The following RABGAP1L variants were observed in gnomAD, a reference collection of about 807,000 sequenced individuals.
The protein encoded by RABGAP1L is RAB GTPase activating protein 1 like, also known as rab GTPase-activating protein 1-like.
In RABGAP1L, 63 loss-of-function variants were observed where a neutral mutation model predicts 137.7. The ratio of observed to expected loss-of-function variants is 0.46; its 90% confidence interval spans 0.37 to 0.56. The LOEUF (loss-of-function observed/expected upper bound fraction) is 0.56. Among genes scored for constraint, RABGAP1L ranks in the 20% least tolerant of loss-of-function variants. RABGAP1L has a pLI of 0.00. For synonymous variants in RABGAP1L, 431 were observed against 433.7 expected, an observed-to-expected ratio of 0.99 and a Z score of 0.08; for missense variants, 1,095 against 1,244.0, an observed-to-expected ratio of 0.88 and a Z score of 1.80.
intron 13 of RABGAP1L, among the ~76,000 whole-genome samples, chr1:174,417,173 A>T (rs536261651): frequency 6.6e-6 from 1 of 152,276 alleles, no homozygotes; most frequent in East Asian, 1.9e-4. Context: ...TATTCTTCTT[A>T]TATCCTTCCC....
At chr1:174,463,678 A>G (rs1656970812) in intron 13 of RABGAP1L, among the ~76,000 whole-genome samples, 1 of 152,168 alleles carries the variant, frequency 6.6e-6, no homozygotes, top group South Asian at 2.1e-4. Context: ...AAAATAAAAA[A>G]GAAGACATAT....
intron 13 of RABGAP1L, among the ~76,000 whole-genome samples, chr1:174,580,252 G>A (rs1243522553): frequency 1.3e-5 from 2 of 152,146 alleles, no homozygotes; most frequent in African/African-American, 4.8e-5. Flanking sequence ...TGAGTATTCA[G>A]CCATTTGACC....
At chr1:174,753,617 G>T (rs1319476643) in intron 18 of RABGAP1L, among the ~76,000 whole-genome samples, 1 of 152,064 alleles carries the variant, frequency 6.6e-6, no homozygotes, top group Non-Finnish European at 1.5e-5. Context: ...AAACATATTT[G>T]CTGTGTCCCT....
chr1:174,620,517 C>A (rs1417061286), intron 13 of RABGAP1L, among the ~76,000 whole-genome samples: 1 of 152,158 alleles, frequency 6.6e-6, no homozygotes, highest in Admixed American at 6.5e-5. Flanking sequence ...AACTGAACAA[C>A]CTGCTCCTGA....
intron 17 of RABGAP1L, among the ~76,000 whole-genome samples, chr1:174,717,103 C>T (rs74225917): frequency 0.078 from 11,928 of 152,146 alleles, 650 homozygotes; most frequent in East Asian, 0.31. Flanking sequence ...AAAGATCCCT[C>T]GTTAATATTA....
At chr1:174,922,953 C>G (rs1662067849) in intron 19 of RABGAP1L, among the ~76,000 whole-genome samples, 1 of 152,012 alleles carries the variant, frequency 6.6e-6, no homozygotes, top group South Asian at 2.1e-4. Flanking sequence ...GTAGAAGGAT[C>G]ACTTGAGCCC....
intron 11 of RABGAP1L, among the ~76,000 whole-genome samples, chr1:174,313,627 A>G (rs1394705224): frequency 6.6e-6 from 1 of 152,184 alleles, no homozygotes; most frequent in Non-Finnish European, 1.5e-5. Flanking sequence ...TTCTCCATTC[A>G]GTATGGTACT....
intron 10 of RABGAP1L, among the ~76,000 whole-genome samples, chr1:174,302,409 G>A (rs1677799441): frequency 6.6e-6 from 1 of 152,190 alleles, no homozygotes; most frequent in Non-Finnish European, 1.5e-5. Flanking sequence ...TCAGAAAAGA[G>A]AGAGGTCTCA....
At chr1:174,195,969 G>A (rs1027844586) in intron 1 of RABGAP1L, among the ~76,000 whole-genome samples, 2 of 149,446 alleles carry the variant, frequency 1.3e-5, no homozygotes, top group African/African-American at 4.9e-5. Context: ...CTGAGTAGCT[G>A]GGATTACAGG....
intron 13 of RABGAP1L, among the ~76,000 whole-genome samples, chr1:174,405,567 A>G (rs185578339): frequency 1.3e-4 from 20 of 152,358 alleles, no homozygotes; most frequent in Admixed American, 9.1e-4. Context: ...GAAAATGTAT[A>G]GTTACTAAAA....
chr1:174,167,253 G>A (rs980376379), intron 1 of RABGAP1L, among the ~76,000 whole-genome samples: 3 of 152,162 alleles, frequency 2.0e-5, no homozygotes, highest in African/African-American at 7.2e-5. Context: ...ACGAATTGAG[G>A]TTATTAGAAT....
At chr1:174,665,166 G>A (rs1269576539) in intron 14 of RABGAP1L, among the ~76,000 whole-genome samples, 1 of 152,180 alleles carries the variant, frequency 6.6e-6, no homozygotes, top group Non-Finnish European at 1.5e-5. Context: ...TGAATGTCAT[G>A]AGATCCAGAG....
intron 19 of RABGAP1L, among the ~76,000 whole-genome samples, chr1:174,835,669 GT>G (rs1474171744): frequency 7.9e-5 from 12 of 152,056 alleles, no homozygotes; most frequent in African/African-American, 2.9e-4. Context: ...TTTCTTTTCT[GT>G]TTTATAAGAT....
rs573004078 is a variant in RABGAP1L, at chr1:174,456,507, A to G, written c.1710+62362A>G. ...ATCGGTTGGATTTTTCTCAGTCATTATGATGGACAAGATTTTGATGTTTCA... is the reference window on the plus strand; with the variant it reads ...ATCGGTTGGATTTTTCTCAGTCATTGTGATGGACAAGATTTTGATGTTTCA... On this transcript the variant is annotated intron_variant, in intron 13 of 25. Transcript: ENST00000681986. Among the ~76,000 whole-genome samples the G allele has an allele frequency of 3.3e-5, 5 of 152,198 alleles. No homozygotes were observed. In the East Asian group the frequency reaches 7.7e-4, roughly 23 times the overall value.
intron 19 of RABGAP1L, among the ~76,000 whole-genome samples, chr1:174,825,850 C>T (rs148826543): frequency 5.9e-5 from 9 of 152,232 alleles, no homozygotes; most frequent in African/African-American, 1.7e-4. Flanking sequence ...GAGATGGTGC[C>T]GCTGCTCTCC....
At position 174,559,873 on chromosome 1, in the gene RABGAP1L, C is replaced by T. The variant is rs530424160; in HGVS notation, c.1711-77502C>T. ...CCTTTTGGCCGAGTGTGGTGGCTCA[C>T]GCCTGTAATCTCAGCACTTTGGGAG... is the stretch of plus-strand genomic sequence containing the variant. On this transcript the variant is annotated intron_variant, in intron 13 of 25. Transcript: ENST00000681986. Among the ~76,000 whole-genome samples, 11 of 152,302 alleles carry T rather than the reference C, an allele frequency of 7.2e-5. No individual in the cohort carries two copies. In the South Asian group the frequency reaches 2.1e-3, roughly 29 times the overall value.
chr1:174,763,759 AC>A (rs1458205610), intron 18 of RABGAP1L, among the ~76,000 whole-genome samples: 1 of 141,878 alleles, frequency 7.0e-6, no homozygotes. Flanking sequence ...AATGGCGTGA[AC>A]CCGGGAGGCG....
At chr1:174,954,132 CT>C (rs1177176865) in intron 19 of RABGAP1L, 1 of 152,172 alleles carries the variant, frequency 6.6e-6, no homozygotes, top group African/African-American at 2.4e-5. Context: ...GGTTTAAAAA[CT>C]GAAAATCTAT....
At position 174,908,956 on chromosome 1, in the gene RABGAP1L, G is replaced by A. The variant is rs527808163; in HGVS notation, c.2341-48501G>A. Among the ~76,000 whole-genome samples the A allele has an allele frequency of 8.0e-5, 12 of 150,306 alleles. No homozygotes were observed. The East Asian group carries it at 1.2e-3, about 15-fold the overall frequency. The stretch of plus-strand genomic sequence containing the variant: ...TGGGAGGCCGAGGCGGGCAGATCAC[G>A]AGGTCAGGAGATCGAGACCATCCTG... On this transcript the variant is annotated intron_variant, in intron 19 of 25. Coordinates refer to ENST00000681986, the MANE Select transcript of RABGAP1L (RefSeq NM_001366446.1).
Sources: allele counts gnomAD v4.1 joint callset (sites outside exome capture counted in the v4.1 genomes callset), GRCh38; gene constraint gnomAD v4.1.1; transcripts MANE v1.5; gene names NCBI Gene and HGNC (gene_info 2026-07-23, HGNC 2026-07-21).